AGBL1: variants seen among roughly 807,000 people sequenced by gnomAD.
AGBL1 encodes cytosolic carboxypeptidase 4.
In AGBL1, 130 loss-of-function variants were observed where a neutral mutation model predicts 118.9. The observed-to-expected ratio is 1.09, with a 90% confidence interval of 0.95 to 1.26. The LOEUF (loss-of-function observed/expected upper bound fraction) is 1.26. AGBL1 is among the 50% of genes most tolerant of loss of function. AGBL1 has a pLI of 0.00. For missense variants in AGBL1, 1,584 were observed against 1,298.1 expected (o/e 1.22, Z -3.38); for synonymous variants, 555 against 478.9 (o/e 1.16, Z -2.08).
chr15:86,688,293 A>G, intron 22 of AGBL1, among the ~76,000 whole-genome samples: 1 of 152,002 alleles, frequency 6.6e-6, no homozygotes, highest in Admixed American at 6.6e-5. Context: ...AGGACAAGGG[A>G]GGAGAAAGAA....
intron 22 of AGBL1, among the ~76,000 whole-genome samples, chr15:86,737,778 A>C (rs1000107918): frequency 1.3e-5 from 2 of 152,214 alleles, no homozygotes; most frequent in East Asian, 3.8e-4. Flanking sequence ...ATTTCACTTT[A>C]TTATTAATGA....
chr15:86,502,735 T>C (rs2082931973), intron 18 of AGBL1, among the ~76,000 whole-genome samples: 1 of 151,502 alleles, frequency 6.6e-6, no homozygotes, highest in Non-Finnish European at 1.5e-5. Flanking sequence ...TTACATACAT[T>C]GAACAAACCT....
At chr15:86,388,479 G>T (rs2081229786) in intron 17 of AGBL1, among the ~76,000 whole-genome samples, 1 of 152,046 alleles carries the variant, frequency 6.6e-6, no homozygotes, top group Non-Finnish European at 1.5e-5. Context: ...ATTAAATTTA[G>T]TGCAGCAAAG....
chr15:86,481,629 G>A (rs964186333), intron 18 of AGBL1, among the ~76,000 whole-genome samples: 13 of 152,140 alleles, frequency 8.5e-5, no homozygotes, highest in African/African-American at 2.7e-4. Context: ...GAACAGCAGT[G>A]TCATGAACTG....
At chr15:86,812,878 G>T (rs1286298362) in intron 22 of AGBL1, among the ~76,000 whole-genome samples, 2 of 152,054 alleles carry the variant, frequency 1.3e-5, no homozygotes, top group African/African-American at 4.8e-5. Context: ...CCTAATGTGA[G>T]TATAATATTT....
chr15:86,183,019 T>C (rs1285720710), intron 5 of AGBL1, among the ~76,000 whole-genome samples: 1 of 152,198 alleles, frequency 6.6e-6, no homozygotes, highest in African/African-American at 2.4e-5. Flanking sequence ...TTTGAGAAGT[T>C]CTCATATGCA....
chr15:86,164,415 G>C (rs2077308764), intron 5 of AGBL1, among the ~76,000 whole-genome samples: 2 of 152,192 alleles, frequency 1.3e-5, no homozygotes, highest in Admixed American at 6.5e-5. Flanking sequence ...GAGGCAGACA[G>C]ATTACTTGTC....
chr15:86,605,988 G>C (rs530890279), intron 21 of AGBL1, among the ~76,000 whole-genome samples: 1 of 151,850 alleles, frequency 6.6e-6, no homozygotes, highest in South Asian at 2.1e-4. Flanking sequence ...TTAGCCTGGC[G>C]TGGTGGCAGG....
At chr15:86,797,223 C>T (rs2078585709) in intron 22 of AGBL1, among the ~76,000 whole-genome samples, 1 of 152,306 alleles carries the variant, frequency 6.6e-6, no homozygotes, top group South Asian at 2.1e-4. Flanking sequence ...GGACTGCATG[C>T]CCACATAATG....
At chr15:86,713,786 A>ATT (rs140305239) in intron 22 of AGBL1, among the ~76,000 whole-genome samples, 1 of 150,344 alleles carries the variant, frequency 6.7e-6, no homozygotes, top group African/African-American at 2.4e-5. Context: ...TAGAGAGTGT[A>ATT]TTTTTTTTTT....
At chr15:86,886,340 C>G (rs1237778711) in intron 22 of AGBL1, among the ~76,000 whole-genome samples, 1 of 152,212 alleles carries the variant, frequency 6.6e-6, no homozygotes, top group Non-Finnish European at 1.5e-5. Flanking sequence ...TTAGCACTAT[C>G]ACTTTTGCAG....
intron 16 of AGBL1, 78 bp from the exon 17 acceptor site, chr15:86,295,177 G>T (rs1417677766): frequency 3.4e-6 from 5 of 1,485,098 alleles, no homozygotes; most frequent in Non-Finnish European, 4.6e-6. Flanking sequence ...TAAACTATAT[G>T]TAAGCCGTTG....
At chr15:86,534,028 G>C (rs2083386981) in intron 19 of AGBL1, among the ~76,000 whole-genome samples, 1 of 127,644 alleles carries the variant, frequency 7.8e-6, no homozygotes, top group African/African-American at 3.1e-5. Flanking sequence ...CGAGTTAGTG[G>C]GTGCAGCGCA....
chr15:86,268,930 A>G (rs74025090), intron 13 of AGBL1, among the ~76,000 whole-genome samples: 1 of 152,374 alleles, frequency 6.6e-6, no homozygotes, highest in African/African-American at 2.4e-5. Flanking sequence ...CATAAGAGCA[A>G]TGCAAAGAGA....
intron 22 of AGBL1, among the ~76,000 whole-genome samples, chr15:86,740,807 C>G (rs1483550785): frequency 9.9e-5 from 15 of 152,036 alleles, no homozygotes; most frequent in Non-Finnish European, 2.1e-4. Flanking sequence ...AGTTTTAATA[C>G]AATGATAAGG....
At chr15:86,524,989 T>C (rs773844958) in intron 19 of AGBL1, among the ~76,000 whole-genome samples, 2 of 152,170 alleles carry the variant, frequency 1.3e-5, no homozygotes, top group Non-Finnish European at 2.9e-5. Flanking sequence ...TATGATCATA[T>C]ACCTAGGAAA....
chr15:86,405,377 G>C (rs573627577), intron 18 of AGBL1, among the ~76,000 whole-genome samples: 3 of 152,074 alleles, frequency 2.0e-5, no homozygotes, highest in Non-Finnish European at 4.4e-5. Flanking sequence ...TTAGCCAGCT[G>C]TGGTGGTGGG....
intron 23 of AGBL1, among the ~76,000 whole-genome samples, chr15:86,938,216 A>T (rs1173348326): frequency 6.6e-6 from 1 of 152,112 alleles, no homozygotes; most frequent in Non-Finnish European, 1.5e-5. Flanking sequence ...GGGTGTGAAG[A>T]GATGAGCTAT....
chr15:86,276,320 C>G (rs1212285613), intron 15 of AGBL1, among the ~76,000 whole-genome samples: 2 of 152,200 alleles, frequency 1.3e-5, no homozygotes, highest in East Asian at 3.8e-4. Flanking sequence ...AGTTTCTGAG[C>G]TAAGCCTACA....
Sources: gnomAD v4.1 joint callset for allele counts (sites outside exome capture counted in the v4.1 genomes callset) on GRCh38, gnomAD v4.1.1 for gene constraint, MANE v1.5 for transcripts, NCBI Gene and HGNC (gene_info 2026-07-23, HGNC 2026-07-21) for gene names.